SPEF2: variants seen among roughly 807,000 people sequenced by gnomAD.
The protein encoded by SPEF2 is sperm flagella and cilia-associated protein 2.
Under a neutral mutation model 224.6 loss-of-function variants are expected in SPEF2, and 187 were observed. That is an observed-to-expected ratio of 0.83 (90% CI 0.74 to 0.94). The LOEUF is 0.94. SPEF2 is among the 40% of genes least tolerant of loss of function. SPEF2 has a pLI of 0.00. For missense variants in SPEF2, 2,170 were observed against 2,135.6 expected (o/e 1.02, Z -0.32); for synonymous variants, 715 against 707.3 (o/e 1.01, Z -0.17).
intron 2 of SPEF2, among the ~76,000 whole-genome samples, chr5:35,629,708 ACACCCAGCATCTGG>A (rs1181097288): frequency 6.6e-6 from 1 of 152,114 alleles, no homozygotes; most frequent in Non-Finnish European, 1.5e-5. Context: ...CACCATCTAA[ACACCCAGCATCTGG>A]CACCTACTAA....
chr5:35,679,298 A>G (rs1447107461), intron 10 of SPEF2, among the ~76,000 whole-genome samples: 2 of 152,210 alleles, frequency 1.3e-5, no homozygotes, highest in Non-Finnish European at 2.9e-5. Flanking sequence ...GACAGTCAAG[A>G]TAATTTCCCT....
At chr5:35,737,914 T>C (rs1746903552) in intron 21 of SPEF2, among the ~76,000 whole-genome samples, 1 of 152,182 alleles carries the variant, frequency 6.6e-6, no homozygotes. Flanking sequence ...TTCTAACTGG[T>C]GTGAGATGGT....
At chr5:35,646,623 T>A (rs1747405641) in intron 4 of SPEF2, 44 bp from the exon 5 acceptor site, 1 of 1,579,284 alleles carries the variant, frequency 6.3e-7, no homozygotes, top group Non-Finnish European at 8.6e-7. Flanking sequence ...TATTGCCTAT[T>A]CTGTTATTCT....
chr5:35,689,564 T>C lies in SPEF2; in HGVS notation c.1525-1473T>C, dbSNP rs529114664. On this transcript the variant is annotated intron_variant, in intron 10 of 36. Coordinates refer to ENST00000356031, the MANE Select transcript of SPEF2 (RefSeq NM_024867.4). ...TTGTTCTCATCGTTATGTCCATGTATACTCAATGTTTAGCTCTCACTTGTA... is the reference window on the plus strand; with the variant it reads ...TTGTTCTCATCGTTATGTCCATGTACACTCAATGTTTAGCTCTCACTTGTA... Among the ~76,000 whole-genome samples, 7 of 152,306 alleles carry C rather than the reference T, an allele frequency of 4.6e-5. No homozygotes were observed. In the East Asian group the frequency reaches 1.3e-3, roughly 29 times the overall value.
At chr5:35,716,109 T>G (rs1465662546) in intron 20 of SPEF2, among the ~76,000 whole-genome samples, 1 of 151,976 alleles carries the variant, frequency 6.6e-6, no homozygotes, top group Non-Finnish European at 1.5e-5. Context: ...GTTCAAAACA[T>G]AACATGCTAA....
At chr5:35,653,331 G>C (rs1397514205) in intron 6 of SPEF2, among the ~76,000 whole-genome samples, 1 of 152,228 alleles carries the variant, frequency 6.6e-6, no homozygotes, top group Non-Finnish European at 1.5e-5. Flanking sequence ...GGCATGGCAA[G>C]CAAGCCAAAT....
chr5:35,753,632 A>G lies in SPEF2; in HGVS notation c.3339A>G (p.Arg1113=), dbSNP rs1240338403. The change falls in exon 24 of 37, where the codon CGA becomes CGG. Residue 1113 remains arginine (R), a synonymous_variant. Coordinates refer to ENST00000356031, the MANE Select transcript of SPEF2 (RefSeq NM_024867.4). ...CTGTTTTTTCTGTTCAGGATCTGCG[A>G]GACCGCCTGTGGGACATTTGTGATG... The part of the protein sequence containing the change: ...AELHQRVNDL[R]DRLWDICDAR... The G allele has an allele frequency of 6.2e-7, 1 of 1,614,152 alleles. No individual in the cohort carries two copies. Among genetic ancestry groups the G allele is most frequent in the Admixed American group, 1.7e-5 (1 of 60,022 alleles).
chr5:35,740,212 C>G lies in SPEF2; in HGVS notation c.3275C>G (p.Pro1092Arg). Residue 1092 changes from proline (P) to arginine (R), a missense_variant, in exon 23 of 37, where the codon CCT becomes CGT. Pro to Arg is a moderately radical substitution (Grantham distance 103). Coordinates refer to ENST00000356031, the MANE Select transcript of SPEF2 (RefSeq NM_024867.4). The part of the protein sequence containing the change: ...AQWQADFNSL[P>R]DDLWDDEETK... The stretch of plus-strand genomic sequence containing the variant: ...TGGCAGGCTGATTTCAACTCCCTTC[C>G]TGATGACCTGTGGGATGATGAGGAA... 2.5e-6 allele frequency: 4 copies of G among 1,614,108 alleles called. No individual in the cohort carries two copies. The South Asian group carries it at 4.4e-5, about 18-fold the overall frequency.
At chr5:35,680,570 GT>G (rs2149504222) in intron 10 of SPEF2, among the ~76,000 whole-genome samples, 1 of 152,244 alleles carries the variant, frequency 6.6e-6, no homozygotes, top group South Asian at 2.1e-4. Flanking sequence ...TATTCTAGGT[GT>G]TAAATAAGAC....
At position 35,649,748 on chromosome 5, in the gene SPEF2, C is replaced by G. The variant is rs916452411; in HGVS notation, c.791+323C>G. The stretch of plus-strand genomic sequence containing the variant: ...AGGTACCACTAATTTAAATTTGTCA[C>G]AGTAAATCCTTTATTAGATTCTAGT... On this transcript the variant is annotated intron_variant, in intron 6 of 36. Transcript: ENST00000356031. Among the ~76,000 whole-genome samples, 124 of 152,314 alleles carry G rather than the reference C, an allele frequency of 8.1e-4. 1 individual carries two copies. Among genetic ancestry groups the G allele is most frequent in the African/African-American group, 2.7e-3 (113 of 41,574 alleles).
At chr5:35,627,434 C>G (rs767491684) in intron 1 of SPEF2, among the ~76,000 whole-genome samples, 4 of 151,934 alleles carry the variant, frequency 2.6e-5, no homozygotes, top group Non-Finnish European at 5.9e-5. Flanking sequence ...ACCCCCCTCT[C>G]TACTAAAAAT....
chr5:35,771,067 G>T (rs973474110), intron 26 of SPEF2, among the ~76,000 whole-genome samples: 1 of 151,776 alleles, frequency 6.6e-6, no homozygotes, highest in African/African-American at 2.4e-5. Context: ...CGAGGGTGAT[G>T]AATATATGTA....
At chr5:35,814,104 G>T (rs1758694696) in intron 36 of SPEF2, among the ~76,000 whole-genome samples, 1 of 152,048 alleles carries the variant, frequency 6.6e-6, no homozygotes, top group Non-Finnish European at 1.5e-5. Context: ...TACTTTCATA[G>T]AGGGTGAATA....
In SPEF2 at chr5:35,695,743, G is replaced by T; in HGVS notation, c.1984G>T (p.Ala662Ser). The T allele has an allele frequency of 6.2e-7, 1 of 1,609,926 alleles. No homozygotes were observed. Among genetic ancestry groups the T allele is most frequent in the Non-Finnish European group, 8.5e-7 (1 of 1,178,046 alleles). ...TEGETMLSANADKTPKAEEVK... is the reference protein window; with the variant it reads ...TEGETMLSANSDKTPKAEEVK... ...ACTTTTCCTATTGCTAGGTGCTAAT[G>T]CTGATAAAACACCAAAAGCTGAAGA... The change falls in exon 14 of 37, where the codon GCT becomes TCT. Residue 662 changes from alanine (A) to serine (S), a missense_variant. Transcript: ENST00000356031.
rs990647810 is a variant in SPEF2, at chr5:35,700,144, C to T, written c.2142-352C>T. On this transcript the variant is annotated intron_variant, in intron 15 of 36. Coordinates refer to ENST00000356031, the MANE Select transcript of SPEF2 (RefSeq NM_024867.4). ...TCTGCCGTGATTGTGAGGCTTCCCC[C>T]ACCATGTGAAACTGTAAGACCAATT... is the stretch of plus-strand genomic sequence containing the variant. 2.6e-5 allele frequency: 5 copies of T among 195,864 alleles called. 1 individual carries two copies. Among genetic ancestry groups the T allele is most frequent in the Admixed American group, 2.1e-4 (4 of 18,642 alleles). 12.1% of individuals were successfully genotyped at this position (195,864 alleles called of 1,614,324 possible).
intron 8 of SPEF2, among the ~76,000 whole-genome samples, chr5:35,661,128 C>T (rs1308482803): frequency 6.6e-6 from 1 of 151,260 alleles, no homozygotes; most frequent in Non-Finnish European, 1.5e-5. Context: ...ATTCAGTTTG[C>T]CAAATTAACA....
chr5:35,800,131 T>C lies in SPEF2; in HGVS notation c.4994T>C (p.Ile1665Thr). Residue 1665 changes from isoleucine (I) to threonine (T), a missense_variant, in exon 34 of 37, where the codon ATT becomes ACT. Ile to Thr is a moderately conservative substitution (Grantham distance 89). Transcript: ENST00000356031. ...THVFQQVKASIPSAEKTSSTD... is the reference protein window; with the variant it reads ...THVFQQVKASTPSAEKTSSTD... ...GTCTTCCAACAAGTCAAAGCTTCCA[T>C]TCCAAGTGCAGAAAAGGTAATTGCA... The C allele has an allele frequency of 6.2e-7, 1 of 1,614,114 alleles. No homozygotes were observed. Among genetic ancestry groups the C allele is most frequent in the Non-Finnish European group, 8.5e-7 (1 of 1,180,016 alleles).
intron 30 of SPEF2, chr5:35,781,490 G>C (rs922626749): frequency 2.0e-5 from 3 of 152,206 alleles, no homozygotes; most frequent in African/African-American, 7.2e-5. Context: ...CATGATGTTT[G>C]GGAAATGTTT....
At chr5:35,759,853 C>A in intron 25 of SPEF2, 134 bp downstream of exon 25, 1 of 842,768 alleles carries the variant, frequency 1.2e-6, no homozygotes, top group Non-Finnish European at 1.7e-6. Flanking sequence ...AATAACCAAA[C>A]ATGTTTTTTT....
Sources: allele counts gnomAD v4.1 joint callset (sites outside exome capture counted in the v4.1 genomes callset), GRCh38; gene constraint gnomAD v4.1.1; transcripts MANE v1.5; gene names NCBI Gene and HGNC (gene_info 2026-07-23, HGNC 2026-07-21).